RYR2: variants seen among roughly 807,000 people sequenced by gnomAD.
The protein encoded by RYR2 is cardiac muscle ryanodine receptor-calcium release channel.
Under a neutral mutation model 601.1 loss-of-function variants are expected in RYR2, and 227 were observed. The ratio of observed to expected loss-of-function variants is 0.38; its 90% CI spans 0.34 to 0.42. The LOEUF is 0.42. Among genes scored for constraint, RYR2 ranks in the 10% least tolerant of loss-of-function variants. The pLI is 1.00. For missense variants in RYR2, 4,646 were observed against 6,156.5 expected (o/e 0.75, Z 8.21); for synonymous variants, 2,223 against 2,175.1 (o/e 1.02, Z -0.61).
rs1692966571 is a variant in RYR2 at position 237,756,492 on chromosome 1, GT to G, written c.11245+108del. On this transcript the variant is annotated intron_variant, in intron 81 of 104. Transcript: ENST00000366574. ...TTCCACTGACTCATTTAGTCCTGGG[GT>G]TTCTGGTTCATGACTATATCAGGTG... is the stretch of plus-strand genomic sequence containing the variant. 4 of 681,554 alleles carry G rather than the reference GT, an allele frequency of 5.9e-6. No homozygotes were observed. In the Admixed American group the frequency reaches 1.2e-4, roughly 20 times the overall value. The allele number at this position is 681,554 out of a possible 1,614,324, so 42.2% of individuals were successfully genotyped here. A position where few individuals can be genotyped will look rare whatever the true frequency, so the allele number is the denominator to read the frequency against.
chr1:237,150,205 C>A (rs1674556443), intron 1 of RYR2, among the ~76,000 whole-genome samples: 1 of 152,160 alleles, frequency 6.6e-6, no homozygotes, highest in Non-Finnish European at 1.5e-5. Flanking sequence ...CAGAGTTGGG[C>A]CTCAAGCAAG....
intron 3 of RYR2, among the ~76,000 whole-genome samples, chr1:237,338,987 G>A (rs1363244044): frequency 6.6e-6 from 1 of 152,166 alleles, no homozygotes; most frequent in Non-Finnish European, 1.5e-5. Flanking sequence ...GGAAAAAAAT[G>A]AGGTTTAACA....
At chr1:237,495,988 T>C (rs1664027952) in intron 19 of RYR2, among the ~76,000 whole-genome samples, 1 of 152,250 alleles carries the variant, frequency 6.6e-6, no homozygotes, top group African/African-American at 2.4e-5. Flanking sequence ...GCTGATGGAA[T>C]GTTCACAGTG....
intron 79 of RYR2, among the ~76,000 whole-genome samples, chr1:237,737,441 G>T (rs1214630839): frequency 6.6e-6 from 1 of 152,168 alleles, no homozygotes; most frequent in Non-Finnish European, 1.5e-5. Flanking sequence ...TAGTGTGTAT[G>T]GGAACTGTAC....
intron 2 of RYR2, among the ~76,000 whole-genome samples, chr1:237,300,423 G>A (rs879670741): frequency 1.1e-4 from 16 of 152,108 alleles, no homozygotes; most frequent in Non-Finnish European, 1.0e-4. Flanking sequence ...GGACTATACC[G>A]TACTTCCTTT....
chr1:237,792,382 CGTGTGTGTGTGTGTGCGTGTGTGT>C (rs1658528639), intron 94 of RYR2, 59 bp downstream of exon 94: 29 of 667,030 alleles, frequency 4.3e-5, no homozygotes, highest in African/African-American at 7.1e-5. Flanking sequence ...TGTGTGTGTG[CGTGTGTGTGTGTGTGCGTGTGTGT>C]GTGTGTGTGT....
At chr1:237,368,693 T>G (rs917418109) in intron 5 of RYR2, among the ~76,000 whole-genome samples, 2 of 152,180 alleles carry the variant, frequency 1.3e-5, no homozygotes, top group Non-Finnish European at 2.9e-5. Flanking sequence ...GGAAAGGGAT[T>G]GATTGGACTC....
At chr1:237,785,023 A>ATAAT in intron 90 of RYR2, 51 bp downstream of exon 90, 1 of 1,269,422 alleles carries the variant, frequency 7.9e-7, no homozygotes, top group African/African-American at 1.5e-5. Context: ...TCAGGTGGGT[A>ATAAT]TAATAAATGA....
rs1677704659 is a variant in RYR2 at position 237,610,374 on chromosome 1, T to C, written c.4684-388T>C. Among the ~76,000 whole-genome samples, 1 of 152,146 alleles carries C rather than the reference T, an allele frequency of 6.6e-6. No individual in the cohort carries two copies. Among genetic ancestry groups the C allele is most frequent in the Non-Finnish European group, 1.5e-5 (1 of 68,020 alleles). The stretch of plus-strand genomic sequence containing the variant: ...ATTGAGAGAGAGAGCCAGGGGGATG[T>C]GACATATCTGTCATTCAGGAAGTTT... On this transcript the variant is annotated intron_variant, in intron 35 of 104. Transcript: ENST00000366574. The surrounding 1 kb of genome is among the most constrained non-coding windows in gnomAD (Gnocchi z 4.9).
chr1:237,321,879 T>C (rs1012961275), intron 2 of RYR2, among the ~76,000 whole-genome samples: 1 of 152,204 alleles, frequency 6.6e-6, no homozygotes, highest in Non-Finnish European at 1.5e-5. Context: ...GTTAAGGATG[T>C]TATCTACAGA....
At chr1:237,638,524 T>A in intron 45 of RYR2, 32 bp downstream of exon 45, 1 of 1,610,022 alleles carries the variant, frequency 6.2e-7, no homozygotes, top group Non-Finnish European at 8.5e-7. Context: ...TCTTTTGAGT[T>A]ATCATTAAAA....
chr1:237,677,799 A>G (rs2148924930), intron 60 of RYR2, among the ~76,000 whole-genome samples: 1 of 152,286 alleles, frequency 6.6e-6, no homozygotes. Flanking sequence ...AAGCTACACA[A>G]ATGTGTTTGT....
Position 237,569,229 on chromosome 1 carries a change from G to A in RYR2, c.3508G>A (p.Glu1170Lys), listed in dbSNP as rs772236215. Residue 1170 changes from glutamate (E) to lysine (K), a missense_variant, in exon 29 of 105, where the codon GAA (glutamate) becomes AAA (lysine). By Grantham distance (56) the Glu-to-Lys change is moderately conservative. Coordinates refer to ENST00000366574, the MANE Select transcript of RYR2 (RefSeq NM_001035.3). ...CGTGGGGTGTATGGTTGACATGAACGAACACACCATGATGTTCACACTGAA... is the reference window on the plus strand; with the variant it reads ...CGTGGGGTGTATGGTTGACATGAACAAACACACCATGATGTTCACACTGAA... ...DVVGCMVDMN[E>K]HTMMFTLNGE... 1.2e-6 allele frequency: 2 copies of A among 1,613,892 alleles called. No homozygotes were observed. The highest frequency in any genetic ancestry group is 1.7e-6 in the Non-Finnish European group (2 of 1,179,842).
chr1:237,649,936 C>T lies in RYR2; in HGVS notation c.7572C>T (p.Val2524=). The change falls in exon 50 of 105, where the codon GTC becomes GTT. Residue 2524 remains valine (V), a synonymous_variant. Transcript: ENST00000366574. ...LALNRYLCTA[V]LPLLTRCAPL... The stretch of plus-strand genomic sequence containing the variant: ...TCAATCGGTACCTTTGCACAGCCGT[C>T]TTGCCATTGTTAACAAGATGTGCTC... 6.2e-7 allele frequency: 1 copy of T among 1,613,918 alleles called. No homozygotes were observed. Among genetic ancestry groups the T allele is most frequent in the African/African-American group, 1.3e-5 (1 of 75,018 alleles).
At chr1:237,739,722 A>G (rs1281569431) in intron 79 of RYR2, among the ~76,000 whole-genome samples, 2 of 152,178 alleles carry the variant, frequency 1.3e-5, no homozygotes, top group African/African-American at 4.8e-5. Flanking sequence ...GCTCTCTGTT[A>G]GTCAGATTTA....
chr1:237,283,761 G>T (rs1428869744), intron 2 of RYR2, among the ~76,000 whole-genome samples: 2 of 152,076 alleles, frequency 1.3e-5, no homozygotes, highest in African/African-American at 4.8e-5. Context: ...TAATGGTCTT[G>T]GTATAGTACA....
At chr1:237,826,296 A>G (rs1430781258) in intron 101 of RYR2, among the ~76,000 whole-genome samples, 2 of 152,200 alleles carry the variant, frequency 1.3e-5, no homozygotes, top group African/African-American at 4.8e-5. Context: ...CTAGATTTTA[A>G]AAAGTGCCAC....
At chr1:237,806,706 T>C (rs1293450408) in intron 99 of RYR2, among the ~76,000 whole-genome samples, 2 of 152,220 alleles carry the variant, frequency 1.3e-5, no homozygotes, top group African/African-American at 2.4e-5. Context: ...TTGTAAAATA[T>C]GAGATGCTGC....
chr1:237,312,163 T>G (rs1213039670), intron 2 of RYR2, among the ~76,000 whole-genome samples: 1 of 152,144 alleles, frequency 6.6e-6, no homozygotes, highest in South Asian at 2.1e-4. Flanking sequence ...GAGGTGGTTA[T>G]GAAGGGTGTT....
Sources: allele counts gnomAD v4.1 joint callset (sites outside exome capture counted in the v4.1 genomes callset), GRCh38; gene constraint gnomAD v4.1.1; non-coding constraint Gnocchi (gnomAD v3.1); transcripts MANE v1.5; gene names NCBI Gene and HGNC (gene_info 2026-07-23, HGNC 2026-07-21).